The following ALMS1 variants were observed in gnomAD, a reference collection of about 807,000 sequenced individuals.
The protein encoded by ALMS1 is centrosome-associated protein ALMS1.
Under a neutral mutation model 352.2 loss-of-function variants are expected in ALMS1, and 271 were observed. The observed-to-expected ratio is 0.77, with a 90% CI of 0.70 to 0.85. The LOEUF (loss-of-function observed/expected upper bound fraction) is 0.85, where lower values mean the gene tolerates loss of function less well. Among genes scored for constraint, ALMS1 ranks in the 40% least tolerant of loss-of-function variants. The pLI is 0.00. For synonymous variants in ALMS1, 1,865 were observed against 1,761.2 expected (o/e 1.06, Z -1.48); for missense variants, 5,445 against 4,870.7 (o/e 1.12, Z -3.51).
intron 11 of ALMS1, among the ~76,000 whole-genome samples, chr2:73,534,193 T>C (rs1473674095): frequency 6.6e-6 from 1 of 152,158 alleles, no homozygotes; most frequent in Non-Finnish European, 1.5e-5. Context: ...AAAAGATGGG[T>C]AAGTTATACA....
chr2:73,530,294 C>T (rs1438641661), intron 11 of ALMS1, among the ~76,000 whole-genome samples: 1 of 152,164 alleles, frequency 6.6e-6, no homozygotes, highest in Non-Finnish European at 1.5e-5. Context: ...ATAAATGTTC[C>T]CATTCCAAAC....
At chr2:73,477,639 A>G (rs988814421) in intron 9 of ALMS1, among the ~76,000 whole-genome samples, 9 of 151,682 alleles carry the variant, frequency 5.9e-5, no homozygotes, top group African/African-American at 2.2e-4. Flanking sequence ...AGTTATTTTG[A>G]TTTTCTTCCA....
chr2:73,473,532 AAGT>A (rs1428111249), intron 9 of ALMS1, among the ~76,000 whole-genome samples: 1 of 152,086 alleles, frequency 6.6e-6, no homozygotes, highest in African/African-American at 2.4e-5. Context: ...AGAAGTAAAA[AAGT>A]GTGACTCATT....
intron 9 of ALMS1, among the ~76,000 whole-genome samples, chr2:73,488,232 C>A (rs1383100257): frequency 1.3e-5 from 2 of 152,208 alleles, no homozygotes; most frequent in East Asian, 3.8e-4. Flanking sequence ...TGCCCTCAGC[C>A]CTCCCTGCCC....
At chr2:73,506,688 A>T (rs534791176) in intron 10 of ALMS1, among the ~76,000 whole-genome samples, 3 of 152,292 alleles carry the variant, frequency 2.0e-5, no homozygotes, top group Admixed American at 1.3e-4. Flanking sequence ...GGCTGAGATG[A>T]TGGGGTTCTC....
chr2:73,431,171 C>A (rs1671492539), intron 6 of ALMS1, among the ~76,000 whole-genome samples: 1 of 151,964 alleles, frequency 6.6e-6, no homozygotes, highest in Admixed American at 6.6e-5. Flanking sequence ...GTTATGACAG[C>A]AAAAAATGTT....
intron 7 of ALMS1, among the ~76,000 whole-genome samples, chr2:73,437,995 A>C (rs1177959342): frequency 6.6e-6 from 1 of 152,078 alleles, no homozygotes; most frequent in African/African-American, 2.4e-5. Flanking sequence ...CCTGCCTCCT[A>C]TGGTTCCTGT....
intron 3 of ALMS1, 108 bp from the exon 4 acceptor site, chr2:73,422,749 G>A: frequency 1.1e-6 from 1 of 892,122 alleles, no homozygotes; most frequent in Non-Finnish European, 1.9e-6. Flanking sequence ...TCTAATGCTT[G>A]TAGAATTCTC....
intron 13 of ALMS1, among the ~76,000 whole-genome samples, chr2:73,551,179 T>C (rs1674423752): frequency 1.3e-5 from 2 of 152,132 alleles, no homozygotes. Context: ...TTTAAAATTT[T>C]TAAAATTTTC....
intron 9 of ALMS1, among the ~76,000 whole-genome samples, chr2:73,476,585 T>C (rs1672588901): frequency 6.6e-6 from 1 of 151,220 alleles, no homozygotes; most frequent in Non-Finnish European, 1.5e-5. Context: ...TTTTTGTTTT[T>C]TTTTTTCCTT....
At chr2:73,401,034 A>T (rs1462083447) in intron 1 of ALMS1, among the ~76,000 whole-genome samples, 1 of 152,072 alleles carries the variant, frequency 6.6e-6, no homozygotes, top group Non-Finnish European at 1.5e-5. Flanking sequence ...TGATCTGCCC[A>T]CCCTGGCCTT....
At chr2:73,540,639 CAG>C (rs1491133220) in intron 12 of ALMS1, among the ~76,000 whole-genome samples, 5 of 152,124 alleles carry the variant, frequency 3.3e-5, no homozygotes, top group African/African-American at 1.2e-4. Flanking sequence ...ATCTCATGTG[CAG>C]AGTCACACAT....
intron 9 of ALMS1, among the ~76,000 whole-genome samples, chr2:73,480,176 C>A: frequency 6.6e-6 from 1 of 151,954 alleles, no homozygotes; most frequent in Non-Finnish European, 1.5e-5. Context: ...GCTGCACCCA[C>A]TAACTTGTCA....
At chr2:73,492,919 G>A (rs1465063869) in intron 10 of ALMS1, among the ~76,000 whole-genome samples, 1 of 150,664 alleles carries the variant, frequency 6.6e-6, no homozygotes, top group Non-Finnish European at 1.5e-5. Context: ...TGTATTTTTA[G>A]TAGAGACGAG....
chr2:73,524,249 G>A (rs541299078), intron 11 of ALMS1, among the ~76,000 whole-genome samples: 1 of 152,226 alleles, frequency 6.6e-6, no homozygotes, highest in South Asian at 2.1e-4. Flanking sequence ...TTTGAACTGT[G>A]TAATTTATCT....
At chr2:73,501,482 C>A (rs10189578) in intron 10 of ALMS1, among the ~76,000 whole-genome samples, 74,592 of 151,770 alleles carry the variant, frequency 0.49, 21,286 homozygotes, top group African/African-American at 0.8. Flanking sequence ...CCAAATTCTC[C>A]TTTGTGGTGT....
chr2:73,490,741 G>A lies in ALMS1; in HGVS notation c.8782G>A (p.Glu2928Lys). 3.7e-6 allele frequency: 6 copies of A among 1,614,108 alleles called. No individual in the cohort carries two copies. Among genetic ancestry groups the A allele is most frequent in the Non-Finnish European group, 5.1e-6 (6 of 1,180,014 alleles). Residue 2928 changes from glutamate (E) to lysine (K), a missense_variant, in exon 10 of 23, where the codon GAA becomes AAA. Coordinates refer to ENST00000613296, the MANE Select transcript of ALMS1 (RefSeq NM_001378454.1). The part of the protein sequence containing the change: ...LPSCIFLEQR[E>K]LFEQCKAPYV... ...TTCTTGCATTTTTCTTGAACAACGA[G>A]AACTCTTTGAACAGTGCAAAGCCCC...
chr2:73,460,257 C>T (rs1672160923), intron 9 of ALMS1, among the ~76,000 whole-genome samples: 1 of 152,092 alleles, frequency 6.6e-6, no homozygotes, highest in African/African-American at 2.4e-5. Flanking sequence ...TTATACCATT[C>T]CAGATATTTT....
chr2:73,424,985 C>T, intron 5 of ALMS1, 83 bp downstream of exon 5: 2 of 1,193,392 alleles, frequency 1.7e-6, no homozygotes, highest in Non-Finnish European at 1.2e-6. Flanking sequence ...ATTTTAGTGT[C>T]CCCTTTTCCT....
Sources: gnomAD v4.1 joint callset for allele counts (sites outside exome capture counted in the v4.1 genomes callset) on GRCh38, gnomAD v4.1.1 for gene constraint, MANE v1.5 for transcripts, NCBI Gene and HGNC (gene_info 2026-07-23, HGNC 2026-07-21) for gene names.